DENND2B: variants seen among roughly 807,000 people sequenced by gnomAD.
DENND2B encodes the protein DENN domain-containing protein 2B.
Under a neutral mutation model 116.0 loss-of-function variants are expected in DENND2B, and 32 were observed. The observed-to-expected ratio is 0.28, with a 90% CI of 0.21 to 0.37. DENND2B has a LOEUF of 0.37. Ranked by LOEUF, DENND2B falls within the 10% of genes least tolerant of loss-of-function variation. The pLI is 1.00. For synonymous variants in DENND2B, 588 were observed against 583.9 expected (o/e 1.01, Z -0.10); for missense variants, 1,276 against 1,477.7 (o/e 0.86, Z 2.24).
chr11:8,751,307 T>A lies in DENND2B; in HGVS notation c.-25-582A>T, dbSNP rs61875934. 8.2e-3 allele frequency among the ~76,000 whole-genome samples: 1,251 copies of A among 152,274 alleles called. 7 individuals carry two copies. Among genetic ancestry groups the A allele is most frequent in the Middle Eastern group, 0.017 (5 of 294 alleles). ...TGTCAAAAAGGACCAATCAGCTCTC[T>A]GTAAAACAGACCAATCGACTCTCCG... On this transcript the variant is annotated intron_variant, in intron 1 of 19. Coordinates refer to ENST00000313726, the MANE Select transcript of DENND2B (RefSeq NM_213618.2).
At chr11:8,757,224 A>G (rs561428426) in intron 1 of DENND2B, 2 of 388,574 alleles carry the variant, frequency 5.1e-6, no homozygotes, top group South Asian at 3.8e-5. Flanking sequence ...TAATAGCAAT[A>G]TGACCTACCT....
intron 4 of DENND2B, among the ~76,000 whole-genome samples, chr11:8,837,602 T>A (rs1241062279): frequency 2.6e-5 from 4 of 152,160 alleles, no homozygotes; most frequent in African/African-American, 9.7e-5. Flanking sequence ...CACCTCAGCC[T>A]CCGAAAGTGC....
Position 8,781,630 on chromosome 11 carries a change from AC to A in DENND2B, c.-26+28886del, listed in dbSNP as rs1196135151. On this transcript the variant is annotated intron_variant, in intron 1 of 19. Transcript: ENST00000313726. ...AATTTAGGAATACACACACACACAC[AC>A]ACACACACACATAACCTCACAAGGA... 2.6e-5 allele frequency among the ~76,000 whole-genome samples: 4 copies of A among 152,214 alleles called. No individual in the cohort carries two copies. In the South Asian group the frequency reaches 6.2e-4, roughly 24 times the overall value.
At chr11:8,715,867 G>A in intron 5 of DENND2B, 49 bp from the exon 6 acceptor site, 1 of 1,526,034 alleles carries the variant, frequency 6.6e-7, no homozygotes, top group South Asian at 1.2e-5. Context: ...CAGAGGCCTT[G>A]GCCAGTGTCT....
intron 1 of DENND2B, among the ~76,000 whole-genome samples, chr11:8,781,383 C>T (rs546553976): frequency 1.3e-5 from 2 of 151,994 alleles, no homozygotes; most frequent in African/African-American, 4.8e-5. Flanking sequence ...TGGAGAGGGT[C>T]ACAAGGAAAG....
rs2045200693 is a variant in DENND2B, at chr11:8,717,731, G to A, written c.1629+10C>T. 3.9e-6 allele frequency: 6 copies of A among 1,547,358 alleles called. No homozygotes were observed. The highest frequency in any genetic ancestry group is 5.2e-6 in the Non-Finnish European group (6 of 1,143,064). On this transcript the variant is annotated intron_variant, in intron 5 of 19. Coordinates refer to ENST00000313726, the MANE Select transcript of DENND2B (RefSeq NM_213618.2). Reference sequence around the variant, plus strand: ...GCTAACCCTACAGGCCGATGTCAGGGCTGAGTTACCTGTGTGGGCGGGCTG... The same window carrying A: ...GCTAACCCTACAGGCCGATGTCAGGACTGAGTTACCTGTGTGGGCGGGCTG...
intron 4 of DENND2B, among the ~76,000 whole-genome samples, chr11:8,824,567 G>A (rs1272127934): frequency 1.3e-5 from 2 of 152,132 alleles, no homozygotes; most frequent in African/African-American, 2.4e-5. Flanking sequence ...ATTCCATGCT[G>A]TATATGTACA....
chr11:8,850,705 C>G (rs1015469694), intron 3 of DENND2B, among the ~76,000 whole-genome samples: 2 of 152,170 alleles, frequency 1.3e-5, no homozygotes, highest in African/African-American at 4.8e-5. Context: ...ATCAGTATGT[C>G]AAAGAGCTAT....
At chr11:8,780,494 G>A (rs1331447185) in intron 1 of DENND2B, among the ~76,000 whole-genome samples, 1 of 152,206 alleles carries the variant, frequency 6.6e-6, no homozygotes, top group Non-Finnish European at 1.5e-5. Flanking sequence ...TTCCTACACA[G>A]ATAGAACTAC....
In DENND2B at chr11:8,718,660, T is replaced by C. The variant is rs931665443; in HGVS notation, c.1478-768A>G. The C allele has an allele frequency of 2.6e-5, 33 of 1,256,184 alleles. No homozygotes were observed. The Admixed American group carries it at 3.4e-4, about 13-fold the overall frequency. The allele number at this position is 1,256,184 out of a possible 1,614,324, so 77.8% of individuals were successfully genotyped here. On this transcript the variant is annotated intron_variant, in intron 4 of 19. Coordinates refer to ENST00000313726, the MANE Select transcript of DENND2B (RefSeq NM_213618.2). ...GTGACACAGGGGAGGTGTGAAAGGCTTGGAAGGAGTCTGGGCCAAAGGGTG... is the reference window on the plus strand; with the variant it reads ...GTGACACAGGGGAGGTGTGAAAGGCCTGGAAGGAGTCTGGGCCAAAGGGTG...
At chr11:8,718,546 T>C in intron 4 of DENND2B, 2 of 1,424,296 alleles carry the variant, frequency 1.4e-6, no homozygotes, top group South Asian at 1.5e-5. Flanking sequence ...GTTCGATGAC[T>C]CTCCTACTGT....
rs1592296635 is a variant in DENND2B at position 8,697,465 on chromosome 11, C to T, written c.3052+60G>A. On this transcript the variant is annotated intron_variant, in intron 17 of 19. Coordinates refer to ENST00000313726, the MANE Select transcript of DENND2B (RefSeq NM_213618.2). ...AGGCAGAGTTCTGGCCCTATGGGGCCCTGACCCAGAGCAGAGGGAGCCTGG... is the reference window on the plus strand; with the variant it reads ...AGGCAGAGTTCTGGCCCTATGGGGCTCTGACCCAGAGCAGAGGGAGCCTGG... 8.7e-6 allele frequency: 12 copies of T among 1,379,930 alleles called. No homozygotes were observed. In the South Asian group the frequency reaches 1.3e-4, roughly 15 times the overall value. 85.5% of individuals were successfully genotyped at this position (1,379,930 alleles called of 1,614,324 possible). A position where few individuals can be genotyped will look rare whatever the true frequency, so the allele number is the denominator to read the frequency against.
intron 1 of DENND2B, among the ~76,000 whole-genome samples, chr11:8,886,228 C>T (rs1436657484): frequency 1.3e-5 from 2 of 152,172 alleles, no homozygotes; most frequent in African/African-American, 4.8e-5. Context: ...AGCCACCACG[C>T]CCAGCCTAGA....
chr11:8,782,711 C>T (rs1222301326), intron 1 of DENND2B, among the ~76,000 whole-genome samples: 1 of 151,712 alleles, frequency 6.6e-6, no homozygotes, highest in East Asian at 1.9e-4. Flanking sequence ...ACGGTGAAAC[C>T]CCATGTCTAC....
intron 2 of DENND2B, among the ~76,000 whole-genome samples, chr11:8,746,493 G>A (rs2051277579): frequency 6.6e-6 from 1 of 152,130 alleles, no homozygotes; most frequent in Non-Finnish European, 1.5e-5. Flanking sequence ...GCTGAGTAGG[G>A]GAAATAAGAC....
rs537132400 is a variant in DENND2B, at chr11:8,862,720, C to T, written c.-249-5284G>A. On this transcript the variant is annotated intron_variant, in intron 2 of 6. Transcript: ENST00000524757. ...TGTCCTACCCACCCATGCTCCCACA[C>T]GCCTAGCCTGGGTGATAAGCCGCAG... is the stretch of plus-strand genomic sequence containing the variant. Among the ~76,000 whole-genome samples the T allele has an allele frequency of 5.3e-5, 8 of 152,162 alleles. No homozygotes were observed. In the South Asian group the frequency reaches 6.2e-4, roughly 12 times the overall value.
chr11:8,883,730 A>G (rs938316603), intron 1 of DENND2B, among the ~76,000 whole-genome samples: 2 of 152,240 alleles, frequency 1.3e-5, no homozygotes, highest in African/African-American at 4.8e-5. Flanking sequence ...CATTTTCATC[A>G]GAAGCTTTTT....
At chr11:8,887,468 A>G (rs942236775) in intron 1 of DENND2B, among the ~76,000 whole-genome samples, 1 of 152,138 alleles carries the variant, frequency 6.6e-6, no homozygotes, top group African/African-American at 2.4e-5. Context: ...TAATCCTCCT[A>G]CCTCACCTTA....
intron 3 of DENND2B, chr11:8,839,421 A>T (rs1430185648): frequency 6.6e-6 from 1 of 152,132 alleles, no homozygotes; most frequent in African/African-American, 2.4e-5. Context: ...CCTTTAAGAA[A>T]GGGCTTCAAA....
Sources: gnomAD v4.1 joint callset for allele counts (sites outside exome capture counted in the v4.1 genomes callset) on GRCh38, gnomAD v4.1.1 for gene constraint, MANE v1.5 for transcripts, NCBI Gene and HGNC (gene_info 2026-07-23, HGNC 2026-07-21) for gene names.